The following SMAD9 variants were observed in gnomAD, a reference collection of about 807,000 sequenced individuals.
SMAD9 encodes MAD homolog 9.
A neutral mutation model predicts 46.1 loss-of-function variants in SMAD9; 36 were observed. The observed-to-expected ratio is 0.78, with a 90% CI of 0.60 to 1.03. SMAD9 has a LOEUF of 1.03. Ranked by LOEUF, SMAD9 falls within the 50% of genes least tolerant of loss-of-function variation. The pLI is 0.00. For missense variants in SMAD9, 572 were observed against 599.8 expected (o/e 0.95, Z 0.48); for synonymous variants, 245 against 237.1 (o/e 1.03, Z -0.31).
rs991416475 is a variant in SMAD9, at chr13:36,847,266, A to G, written c.*1410T>C. The G allele has an allele frequency of 6.6e-6, 1 of 152,214 alleles. No individual in the cohort carries two copies. Among genetic ancestry groups the G allele is most frequent in the South Asian group, 2.1e-4 (1 of 4,828 alleles). 9.4% of individuals were successfully genotyped at this position (152,214 alleles called of 1,614,324 possible). A position where few individuals can be genotyped will look rare whatever the true frequency, so the allele number is the denominator to read the frequency against. ...ATGTATAAATGAAGAAACTTCTTGG[A>G]TTACTGAAGTGCTGTCTGTTACAAG... is the stretch of plus-strand genomic sequence containing the variant. On this transcript the variant is annotated 3_prime_UTR_variant, in exon 7 of 7. Transcript: ENST00000379826.
At chr13:36,917,090 T>C (rs1432462592) in intron 1 of SMAD9, among the ~76,000 whole-genome samples, 1 of 152,104 alleles carries the variant, frequency 6.6e-6, no homozygotes, top group East Asian at 1.9e-4. Context: ...GGCCGAGGTG[T>C]CCGTCATGGT....
chr13:36,859,797 C>T (rs1195687866), intron 5 of SMAD9, among the ~76,000 whole-genome samples: 8 of 151,940 alleles, frequency 5.3e-5, no homozygotes, highest in African/African-American at 1.7e-4. Flanking sequence ...CCCATCTCTA[C>T]TAAAAATACA....
intron 3 of SMAD9, among the ~76,000 whole-genome samples, chr13:36,871,126 G>C (rs192501666): frequency 1.3e-5 from 2 of 152,192 alleles, no homozygotes; most frequent in South Asian, 2.1e-4. Flanking sequence ...TGCACCTCTA[G>C]CACTGGCCCA....
At chr13:36,852,877 T>C (rs1304361414) in intron 6 of SMAD9, among the ~76,000 whole-genome samples, 1 of 152,204 alleles carries the variant, frequency 6.6e-6, no homozygotes, top group Non-Finnish European at 1.5e-5. Context: ...TTAAAAACAA[T>C]CAAATAGCCA....
intron 1 of SMAD9, among the ~76,000 whole-genome samples, chr13:36,895,994 A>T (rs1165674385): frequency 6.6e-6 from 1 of 152,248 alleles, no homozygotes; most frequent in East Asian, 1.9e-4. Flanking sequence ...ATGTGCAGTT[A>T]CAAAATAGAT....
At chr13:36,920,315 C>CCCGCCCCCGCCCCCGCCCG (rs1432318058), upstream of SMAD9, 1 of 149,670 alleles carries the variant, frequency 6.7e-6, no homozygotes, top group Admixed American at 6.7e-5. Flanking sequence ...GCGGCCCGCC[C>CCCGCCCCCGCCCCCGCCCG]CCGCCCGCCG....
intron 4 of SMAD9, 114 bp from the exon 5 acceptor site, chr13:36,865,872 C>T: frequency 1.2e-6 from 1 of 831,778 alleles, no homozygotes; most frequent in Non-Finnish European, 2.0e-6. Context: ...GGCTGCAAGA[C>T]CAAGCATGCC....
At chr13:36,912,568 G>A (rs965732625) in intron 1 of SMAD9, among the ~76,000 whole-genome samples, 1 of 152,074 alleles carries the variant, frequency 6.6e-6, no homozygotes, top group African/African-American at 2.4e-5. Context: ...TTTCCTATAG[G>A]ACCAGCCATG....
chr13:36,849,471 TAG>T (rs1235723716), intron 6 of SMAD9: 1 of 152,274 alleles, frequency 6.6e-6, no homozygotes, highest in Non-Finnish European at 1.5e-5. Flanking sequence ...TGATTCTCTG[TAG>T]AGTTTTTTAA....
chr13:36,851,934 T>C (rs988377438), intron 6 of SMAD9: 1 of 975,090 alleles, frequency 1.0e-6, no homozygotes, highest in African/African-American at 1.8e-5. Context: ...TATGAGATAT[T>C]GGCATTTCAT....
intron 1 of SMAD9, among the ~76,000 whole-genome samples, chr13:36,884,045 T>A (rs1308440909): frequency 2.6e-5 from 4 of 152,166 alleles, no homozygotes; most frequent in Non-Finnish European, 5.9e-5. Flanking sequence ...CTTGCTCAGC[T>A]GTTTTGATGC....
chr13:36,909,101 T>C (rs773422478), intron 1 of SMAD9, among the ~76,000 whole-genome samples: 1 of 152,234 alleles, frequency 6.6e-6, no homozygotes, highest in Non-Finnish European at 1.5e-5. Flanking sequence ...TTGGATATCA[T>C]TTTTAAAGTT....
Position 36,864,348 on chromosome 13 carries a change from T to C in SMAD9, c.1003+1189A>G, listed in dbSNP as rs4943432. On this transcript the variant is annotated intron_variant, in intron 5 of 6. Transcript: ENST00000379826. ...AGACGTTTGAACCAGAGCAACTCCA[T>C]CTTGAATAGGGGTTAGGTAAAATAA... Among the ~76,000 whole-genome samples, 860 of 152,246 alleles carry C rather than the reference T, an allele frequency of 5.6e-3. 33 individuals are homozygous for C. The highest frequency in any genetic ancestry group is 0.051 in the Admixed American group (774 of 15,286).
At chr13:36,857,894 T>C (rs868717709) in intron 5 of SMAD9, among the ~76,000 whole-genome samples, 4 of 152,204 alleles carry the variant, frequency 2.6e-5, no homozygotes, top group African/African-American at 9.6e-5. Flanking sequence ...AATCTTCCCC[T>C]TGCCTTTGTT....
At chr13:36,859,429 A>G (rs564580) in intron 5 of SMAD9, among the ~76,000 whole-genome samples, 3,360 of 152,274 alleles carry the variant, frequency 0.022, 113 homozygotes, top group African/African-American at 0.076. Flanking sequence ...ATAGGATGAG[A>G]TAGGTTGGCA....
chr13:36,858,070 G>C (rs1357172002), intron 5 of SMAD9, among the ~76,000 whole-genome samples: 1 of 152,126 alleles, frequency 6.6e-6, no homozygotes, highest in Non-Finnish European at 1.5e-5. Flanking sequence ...AAATACTGTA[G>C]AGCGATAGAT....
intron 6 of SMAD9, chr13:36,851,723 A>G: frequency 2.0e-6 from 2 of 976,032 alleles, no homozygotes; most frequent in Non-Finnish European, 2.4e-6. Context: ...GCTCATCTCA[A>G]ATGTTAAAAA....
intron 1 of SMAD9, among the ~76,000 whole-genome samples, chr13:36,907,241 G>T (rs959113240): frequency 1.3e-4 from 20 of 152,138 alleles, no homozygotes; most frequent in African/African-American, 4.6e-4. Context: ...TAAGAGAAGG[G>T]GAAAATGGGG....
chr13:36,885,859 AC>A (rs748794781), intron 1 of SMAD9, among the ~76,000 whole-genome samples: 7 of 152,186 alleles, frequency 4.6e-5, no homozygotes, highest in Non-Finnish European at 1.0e-4. Flanking sequence ...GGTTAAAAAA[AC>A]AACAACACTG....
Sources: gnomAD v4.1 joint callset for allele counts (sites outside exome capture counted in the v4.1 genomes callset) on GRCh38, gnomAD v4.1.1 for gene constraint, MANE v1.5 for transcripts, NCBI Gene and HGNC (gene_info 2026-07-23, HGNC 2026-07-21) for gene names.